Variants in DNAH8 observed in about 807,000 individuals in gnomAD.
The protein encoded by DNAH8 is axonemal beta dynein heavy chain 8.
DNAH8 carries 382 observed loss-of-function variants against 562.1 expected under a neutral mutation model. The ratio of observed to expected loss-of-function variants is 0.68; its 90% CI spans 0.63 to 0.74. The LOEUF is 0.74. DNAH8 is among the 30% of genes least tolerant of loss of function. DNAH8 has a pLI of 0.00. For missense variants in DNAH8, 5,203 were observed against 5,620.4 expected, an observed-to-expected ratio of 0.93 and a Z score of 2.37; for synonymous variants, 1,881 against 1,919.4, an observed-to-expected ratio of 0.98 and a Z score of 0.52.
At chr6:38,899,939 A>G (rs377272105) in intron 62 of DNAH8, 33 bp downstream of exon 62, 88 of 1,490,972 alleles carry the variant, frequency 5.9e-5, no homozygotes, top group Non-Finnish European at 6.5e-5. Flanking sequence ...ATGTTTTTCT[A>G]TAGTTAATTT....
rs761510899 is a variant in DNAH8 at position 39,008,953 on chromosome 6, G to T, written c.13354G>T (p.Asp4452Tyr). The T allele has an allele frequency of 7.5e-6, 12 of 1,610,344 alleles. No homozygotes were observed. Among genetic ancestry groups the T allele is most frequent in the Non-Finnish European group, 1.0e-5 (12 of 1,177,334 alleles). The change falls in exon 89 of 93, where the codon GAT becomes TAT. Residue 4452 changes from aspartate to tyrosine, a missense_variant. By Grantham distance (160) the Asp-to-Tyr change is radical. Around this residue, in one of 6 missense-constraint regions of DNAH8, gnomAD observed 1,399 missense variants for 1,518.4 expected, o/e 0.92. Transcript: ENST00000327475. ...SEDMLSKLPPDYIPHEVKSRL... is the reference protein window; with the variant it reads ...SEDMLSKLPPYYIPHEVKSRL... ...AGATATGCTGAGTAAACTCCCTCCT[G>T]ATTACATTCCTCATGAGGTAAGTCT...
intron 17 of DNAH8, among the ~76,000 whole-genome samples, chr6:38,784,634 T>C (rs1323432488): frequency 1.3e-5 from 2 of 152,218 alleles, no homozygotes; most frequent in Non-Finnish European, 2.9e-5. Flanking sequence ...ATAGCTAACA[T>C]TTATACAGTG....
intron 43 of DNAH8, 85 bp downstream of exon 43, chr6:38,860,714 A>C: frequency 9.4e-7 from 1 of 1,060,962 alleles, no homozygotes; most frequent in Non-Finnish European, 1.3e-6. Flanking sequence ...ATATTAACAA[A>C]AGCAGATTTC....
chr6:39,017,158 C>G (rs899774858), intron 91 of DNAH8, among the ~76,000 whole-genome samples: 10 of 151,948 alleles, frequency 6.6e-5, no homozygotes, highest in South Asian at 6.2e-4. Flanking sequence ...GCCAGGGGAA[C>G]CTTTGTGCTC....
intron 21 of DNAH8, among the ~76,000 whole-genome samples, chr6:38,802,306 G>A (rs2092550): frequency 0.19 from 28,234 of 151,254 alleles, 2,806 homozygotes; most frequent in African/African-American, 0.2. Flanking sequence ...GTGCAGTGGC[G>A]CGATCATGGC....
At chr6:38,934,580 C>T (rs1218705730) in intron 76 of DNAH8, among the ~76,000 whole-genome samples, 4 of 152,050 alleles carry the variant, frequency 2.6e-5, no homozygotes, top group African/African-American at 4.8e-5. Context: ...CTAAGTGCAG[C>T]ATGTGATTCT....
intron 73 of DNAH8, 96 bp from the exon 74 acceptor site, chr6:38,925,959 C>T: frequency 8.6e-7 from 1 of 1,166,764 alleles, no homozygotes; most frequent in South Asian, 2.5e-5. Flanking sequence ...AAATAATGTC[C>T]ACATTTTAAA....
chr6:38,715,903 A>AAAAT lies in DNAH8; in HGVS notation c.-35+510_-35+513dup, dbSNP rs767028862. Reference sequence around the variant, plus strand: ...AACCACCTGTACCCGAAAAGCTATTAAAATAAATAAATAAATAAATAAATA... The same window carrying AAAAT: ...AACCACCTGTACCCGAAAAGCTATTAAAATAAATAAATAAATAAATAAATAAATA... On this transcript the variant is annotated intron_variant, in intron 1 of 92. Transcript: ENST00000327475. 6.3e-4 allele frequency among the ~76,000 whole-genome samples: 41 copies of AAAAT among 65,226 alleles called. 1 individual carries two copies. Among genetic ancestry groups the AAAAT allele is most frequent in the African/African-American group, 1.7e-3 (19 of 11,336 alleles). 42.8% of individuals were successfully genotyped at this position (65,226 alleles called of 152,430 possible).
In DNAH8 at chr6:38,870,534, A is replaced by G; in HGVS notation, c.6962A>G (p.His2321Arg). ...GTTCAGATAGAGGGTTTGATTAACCATCCACCCTGGAACCTGAAACTCGTG... is the reference window on the plus strand; with the variant it reads ...GTTCAGATAGAGGGTTTGATTAACCGTCCACCCTGGAACCTGAAACTCGTG... ...HQVQIEGLIN[H>R]PPWNLKLVQL... is the part of the protein sequence containing the mutation. The change falls in exon 49 of 93, where the codon CAT becomes CGT. Residue 2321 changes from histidine to arginine, a missense_variant. Around this residue, in one of 6 missense-constraint regions of DNAH8, gnomAD observed 2,176 missense variants for 2,365.1 expected, o/e 0.92. Coordinates refer to ENST00000327475, the MANE Select transcript of DNAH8 (RefSeq NM_001206927.2). 6.2e-7 allele frequency: 1 copy of G among 1,613,992 alleles called. No homozygotes were observed. The highest frequency in any genetic ancestry group is 8.5e-7 in the Non-Finnish European group (1 of 1,179,930).
At chr6:38,757,098 T>C (rs1765987978) in intron 10 of DNAH8, among the ~76,000 whole-genome samples, 1 of 152,202 alleles carries the variant, frequency 6.6e-6, no homozygotes, top group Admixed American at 6.5e-5. Context: ...ATCGCCACAC[T>C]GACTTCCACA....
At chr6:38,721,730 T>C (rs9394525) in intron 1 of DNAH8, among the ~76,000 whole-genome samples, 55,478 of 151,858 alleles carry the variant, frequency 0.37, 10,905 homozygotes, top group East Asian at 0.81. Flanking sequence ...TGTTTATGAG[T>C]TCTCTGGAAA....
At position 38,949,647 on chromosome 6, in the gene DNAH8, A is replaced by G. The variant is rs550182322; in HGVS notation, c.12248+77A>G. 2.0e-5 allele frequency: 17 copies of G among 870,616 alleles called. No homozygotes were observed. In the African/African-American group the frequency reaches 2.9e-4, roughly 15 times the overall value. 53.9% of individuals were successfully genotyped at this position (870,616 alleles called of 1,614,324 possible). A position where few individuals can be genotyped will look rare whatever the true frequency, so the allele number is the denominator to read the frequency against. On this transcript the variant is annotated intron_variant, in intron 81 of 92. Coordinates refer to ENST00000327475, the MANE Select transcript of DNAH8 (RefSeq NM_001206927.2). ...TTACAGATTTTATCTCAGTGAGTTT[A>G]CTTCACTATATCACTGTCATTGAAA...
intron 88 of DNAH8, among the ~76,000 whole-genome samples, chr6:38,992,144 T>C (rs896290855): frequency 2.0e-5 from 3 of 152,212 alleles, no homozygotes; most frequent in Admixed American, 1.3e-4. Context: ...TTTTGTATTT[T>C]TTAGTAGAGA....
chr6:38,777,300 G>T (rs905039969), intron 13 of DNAH8, among the ~76,000 whole-genome samples: 1 of 148,754 alleles, frequency 6.7e-6, no homozygotes, highest in African/African-American at 2.4e-5. Flanking sequence ...TTATTTTTAT[G>T]ATTTATTAAG....
At position 38,772,996 on chromosome 6, in the gene DNAH8, T is replaced by TTTTTTTGTTGTTG. The variant is rs1554205957; in HGVS notation, c.1764+2439_1764+2440insTTTTGTTGTTGTT. On this transcript the variant is annotated intron_variant, in intron 12 of 92. Coordinates refer to ENST00000327475, the MANE Select transcript of DNAH8 (RefSeq NM_001206927.2). ...CTTTTTTTTTTTTTTTTTTTTTTTT[T>TTTTTTTGTTGTTG]TTGTAGAGATGGGGTCTTGCTATGT... is the stretch of plus-strand genomic sequence containing the variant. 2.5e-4 allele frequency among the ~76,000 whole-genome samples: 28 copies of TTTTTTTGTTGTTG among 109,978 alleles called. 1 individual carries two copies. The highest frequency in any genetic ancestry group is 9.6e-4 in the African/African-American group (27 of 28,064). The allele number at this position is 109,978 out of a possible 152,430, so 72.1% of individuals were successfully genotyped here. A position where few individuals can be genotyped will look rare whatever the true frequency, so the allele number is the denominator to read the frequency against.
chr6:38,783,405 G>A (rs1269463769), intron 17 of DNAH8, among the ~76,000 whole-genome samples: 9 of 152,112 alleles, frequency 5.9e-5, no homozygotes, highest in Admixed American at 5.9e-4. Context: ...AATATCTTTA[G>A]GGATATTTCT....
intron 29 of DNAH8, among the ~76,000 whole-genome samples, chr6:38,827,731 A>T (rs1738204): frequency 0.98 from 85,916 of 87,392 alleles, 42,220 homozygotes; most frequent in East Asian, 0.99. Flanking sequence ...TTCTTTACCA[A>T]ACTTTTTTTT....
intron 45 of DNAH8, 136 bp downstream of exon 45, chr6:38,864,196 TTA>T: frequency 1.2e-6 from 1 of 807,282 alleles, no homozygotes. Context: ...ATGATTTTTT[TTA>T]TGTCATTATA....
chr6:38,757,841 G>A (rs1251339069), intron 10 of DNAH8, among the ~76,000 whole-genome samples: 5 of 152,128 alleles, frequency 3.3e-5, no homozygotes, highest in African/African-American at 1.2e-4. Flanking sequence ...TAGATATGCG[G>A]CATTATTTCT....
Sources: gnomAD v4.1 joint callset for allele counts (sites outside exome capture counted in the v4.1 genomes callset) on GRCh38, gnomAD v4.1.1 for gene constraint, gnomAD v4.1.1 regional missense constraint, MANE v1.5 for transcripts, NCBI Gene and HGNC (gene_info 2026-07-23, HGNC 2026-07-21) for gene names.